The following PDE9A variants were observed in gnomAD, a reference collection of about 807,000 sequenced individuals.
PDE9A encodes the protein phosphodiesterase 9A.
PDE9A carries 60 observed loss-of-function variants against 87.4 expected under a neutral mutation model. The ratio of observed to expected loss-of-function variants is 0.69; its 90% confidence interval spans 0.56 to 0.85. PDE9A has a LOEUF of 0.85. Among genes scored for constraint, PDE9A ranks in the 40% least tolerant of loss-of-function variants. PDE9A has a pLI of 0.00. For missense variants in PDE9A, 665 were observed against 779.0 expected (o/e 0.85, Z 1.74); for synonymous variants, 272 against 279.4 (o/e 0.97, Z 0.27).
At position 42,670,651 on chromosome 21, in the gene PDE9A, TCACA is replaced by T. The variant is rs960249767; in HGVS notation, c.70-15536_70-15533del. ...CACACATACACTTACAAACTATCATTCACACACATACACACATACACATGCATTC... is the reference window on the plus strand; with the variant it reads ...CACACATACACTTACAAACTATCATTCACATACACACATACACATGCATTC... On this transcript the variant is annotated intron_variant, in intron 1 of 19. Coordinates refer to ENST00000291539, the MANE Select transcript of PDE9A (RefSeq NM_002606.3). Among the ~76,000 whole-genome samples the T allele has an allele frequency of 3.4e-5, 5 of 146,106 alleles. No homozygotes were observed. The East Asian group carries it at 9.8e-4, about 29-fold the overall frequency.
At chr21:42,683,534 G>A (rs1256134815) in intron 1 of PDE9A, among the ~76,000 whole-genome samples, 1 of 152,164 alleles carries the variant, frequency 6.6e-6, no homozygotes, top group Non-Finnish European at 1.5e-5. Flanking sequence ...GTAAGAAGCA[G>A]TCAAGGATCC....
intron 14 of PDE9A, 148 bp downstream of exon 14, chr21:42,762,387 T>C: frequency 2.6e-6 from 2 of 777,368 alleles, no homozygotes; most frequent in South Asian, 3.6e-5. Context: ...CTTCCTCACC[T>C]CCTCCAGGGC....
intron 1 of PDE9A, among the ~76,000 whole-genome samples, chr21:42,662,053 T>C (rs945210269): frequency 6.6e-6 from 1 of 152,148 alleles, no homozygotes; most frequent in African/African-American, 2.4e-5. Context: ...CTCTGTGAAG[T>C]GGGGGGAAGT....
chr21:42,698,950 C>G lies in PDE9A; in HGVS notation c.219-18C>G. The G allele has an allele frequency of 6.2e-7, 1 of 1,607,290 alleles. No individual in the cohort carries two copies. Among genetic ancestry groups the G allele is most frequent in the East Asian group, 2.2e-5 (1 of 44,848 alleles). On this transcript the variant is annotated intron_variant, in intron 3 of 19. Coordinates refer to ENST00000291539, the MANE Select transcript of PDE9A (RefSeq NM_002606.3). ...CGCCTTGCAGAGTCTCACAGCGGCACTGTCTTCTCTTTTGCAGCACTCCGT... is the reference window on the plus strand; with the variant it reads ...CGCCTTGCAGAGTCTCACAGCGGCAGTGTCTTCTCTTTTGCAGCACTCCGT...
rs1246207180 is a variant in PDE9A at position 42,765,536 on chromosome 21, G to C, written c.1356+42G>C. Reference sequence around the variant, plus strand: ...GCCTGGGTGGGCAGCCAGGCGGTGGGCTGGCGAAGCAGGTCATCCATCCAG... The same window carrying C: ...GCCTGGGTGGGCAGCCAGGCGGTGGCCTGGCGAAGCAGGTCATCCATCCAG... On this transcript the variant is annotated intron_variant, in intron 15 of 19. Transcript: ENST00000291539. 5.5e-6 allele frequency: 6 copies of C among 1,097,500 alleles called. No individual in the cohort carries two copies. The Admixed American group carries it at 8.7e-5, about 16-fold the overall frequency. The allele number at this position is 1,097,500 out of a possible 1,614,324, so 68.0% of individuals were successfully genotyped here. A position where few individuals can be genotyped will look rare whatever the true frequency, so the allele number is the denominator to read the frequency against.
chr21:42,685,057 G>T (rs1199001292), intron 1 of PDE9A, among the ~76,000 whole-genome samples: 1 of 152,214 alleles, frequency 6.6e-6, no homozygotes, highest in Non-Finnish European at 1.5e-5. Flanking sequence ...CCACACCGGG[G>T]ACTTGTGCTG....
At chr21:42,728,470 T>C (rs527536025) in intron 4 of PDE9A, among the ~76,000 whole-genome samples, 4 of 152,242 alleles carry the variant, frequency 2.6e-5, no homozygotes, top group Non-Finnish European at 5.9e-5. Context: ...ATTTTTCTTC[T>C]TTAGCCTGTT....
intron 1 of PDE9A, among the ~76,000 whole-genome samples, chr21:42,673,068 A>T (rs1452455736): frequency 6.6e-6 from 1 of 152,138 alleles, no homozygotes; most frequent in African/African-American, 2.4e-5. Flanking sequence ...GGAGTAAGTA[A>T]TGTGTAGCGG....
rs781169820 is a variant in PDE9A at position 42,765,418 on chromosome 21, G to T, written c.1280G>T (p.Arg427Ile). The change falls in exon 15 of 20, where the codon AGA (arginine) becomes ATA (isoleucine). Residue 427 changes from arginine (R) to isoleucine (I), a missense_variant. By Grantham distance (97) the Arg-to-Ile change is moderately conservative (BLOSUM62 -3). Transcript: ENST00000291539. ...TTAATCTTGGCCACTGACATGGCAAGACATGCAGAAATTATGGATTCTTTC... is the reference window on the plus strand; with the variant it reads ...TTAATCTTGGCCACTGACATGGCAATACATGCAGAAATTATGGATTCTTTC... ...ITLILATDMA[R>I]HAEIMDSFKE... 1.1e-5 allele frequency: 18 copies of T among 1,612,398 alleles called. No homozygotes were observed. The highest frequency in any genetic ancestry group is 1.5e-5 in the Non-Finnish European group (18 of 1,178,430).
intron 4 of PDE9A, chr21:42,724,484 A>AG (rs1269918788): frequency 2.4e-6 from 1 of 423,216 alleles, no homozygotes; most frequent in Admixed American, 6.4e-5. Flanking sequence ...CTTCCTGATC[A>AG]GGGCTCTGTT....
chr21:42,662,989 ACACACCACACACACG>A (rs1344233270), intron 1 of PDE9A, among the ~76,000 whole-genome samples: 7 of 147,154 alleles, frequency 4.8e-5, no homozygotes, highest in African/African-American at 7.6e-5. Flanking sequence ...ACACAAGAAC[ACACACCACACACACG>A]CACACCACAC....
chr21:42,722,925 C>T lies in PDE9A; in HGVS notation c.263-8845C>T, dbSNP rs995891016. On this transcript the variant is annotated intron_variant, in intron 4 of 19. Coordinates refer to ENST00000291539, the MANE Select transcript of PDE9A (RefSeq NM_002606.3). The surrounding 1 kb of genome is among the most constrained non-coding windows in gnomAD (Gnocchi z 4.1). The stretch of plus-strand genomic sequence containing the variant: ...GTAAACAATTCCTGGAAGAAGTGGG[C>T]GAGGCAGAGGCTTGAACTATCCACT... Among the ~76,000 whole-genome samples, 2 of 152,226 alleles carry T rather than the reference C, an allele frequency of 1.3e-5. No homozygotes were observed. The highest frequency in any genetic ancestry group is 4.8e-5 in the African/African-American group (2 of 41,458).
At chr21:42,670,660 TACAC>T (rs909578136) in intron 1 of PDE9A, among the ~76,000 whole-genome samples, 11 of 145,590 alleles carry the variant, frequency 7.6e-5, no homozygotes, top group African/African-American at 1.6e-4. Context: ...TTCACACACA[TACAC>T]ACATACACAT....
intron 9 of PDE9A, among the ~76,000 whole-genome samples, chr21:42,751,841 G>T (rs2054468463): frequency 1.3e-5 from 2 of 150,452 alleles, no homozygotes; most frequent in African/African-American, 4.9e-5. Context: ...CTGCCTCCTG[G>T]GTTCAAGCAA....
intron 15 of PDE9A, among the ~76,000 whole-genome samples, chr21:42,765,874 C>T (rs866377772): frequency 2.0e-5 from 3 of 152,232 alleles, no homozygotes; most frequent in Non-Finnish European, 2.9e-5. Flanking sequence ...ACACAGCTCC[C>T]GCTCCCCAAG....
chr21:42,703,564 G>A (rs1012028898), intron 4 of PDE9A, among the ~76,000 whole-genome samples: 19 of 152,236 alleles, frequency 1.2e-4, no homozygotes, highest in African/African-American at 4.6e-4. Flanking sequence ...GCTGGGAGCA[G>A]AGGAAAGAGG....
At chr21:42,698,884 T>C (rs905193947) in intron 3 of PDE9A, 84 bp from the exon 4 acceptor site, 1 of 795,770 alleles carries the variant, frequency 1.3e-6, no homozygotes, top group Admixed American at 2.4e-5. Context: ...TGATTTCTAA[T>C]CATGCCGAGT....
At chr21:42,654,309 C>G (rs1387413202) in intron 1 of PDE9A, among the ~76,000 whole-genome samples, 1 of 151,972 alleles carries the variant, frequency 6.6e-6, no homozygotes, top group Non-Finnish European at 1.5e-5. Context: ...ACTGCTCCCC[C>G]GCAGGTGAGT....
intron 4 of PDE9A, among the ~76,000 whole-genome samples, chr21:42,725,888 T>G (rs965715554): frequency 6.6e-6 from 1 of 152,230 alleles, no homozygotes; most frequent in African/African-American, 2.4e-5. Flanking sequence ...TGGTTTTTTC[T>G]GTCTTTTGAA....
Sources: gnomAD v4.1 joint callset for allele counts (sites outside exome capture counted in the v4.1 genomes callset) on GRCh38, gnomAD v4.1.1 for gene constraint, Gnocchi (gnomAD v3.1) non-coding constraint, MANE v1.5 for transcripts, NCBI Gene and HGNC (gene_info 2026-07-23, HGNC 2026-07-21) for gene names.